Variants in ANKRD17 observed in about 807,000 individuals in gnomAD.
ANKRD17 encodes the protein ankyrin repeat domain 17.
Under a neutral mutation model 229.7 loss-of-function variants are expected in ANKRD17, and 19 were observed. The observed-to-expected ratio is 0.08, with a 90% CI of 0.06 to 0.12. The LOEUF is 0.12. Among genes scored for constraint, ANKRD17 ranks in the 10% least tolerant of loss-of-function variants. The probability of loss-of-function intolerance (pLI) is 1.00; values close to 1 mark genes in which losing one functional copy is unlikely to be tolerated. For missense variants in ANKRD17, 2,176 were observed against 3,176.8 expected, an observed-to-expected ratio of 0.68 and a Z score of 7.57; for synonymous variants, 1,112 against 1,146.1, an observed-to-expected ratio of 0.97 and a Z score of 0.60.
At chr4:73,235,736 C>T (rs1743441970) in intron 1 of ANKRD17, among the ~76,000 whole-genome samples, 5 of 152,092 alleles carry the variant, frequency 3.3e-5, no homozygotes. Context: ...TCTTTCCACC[C>T]TCAGAGGGAA....
chr4:73,194,637 C>T (rs1418157487), intron 1 of ANKRD17, among the ~76,000 whole-genome samples: 1 of 151,982 alleles, frequency 6.6e-6, no homozygotes, highest in Non-Finnish European at 1.5e-5. Flanking sequence ...TTACATTTAA[C>T]AGTATTGACT....
intron 24 of ANKRD17, among the ~76,000 whole-genome samples, chr4:73,110,390 T>G (rs1725165371): frequency 6.6e-6 from 1 of 152,228 alleles, no homozygotes; most frequent in Admixed American, 6.5e-5. Context: ...CTCACTACAT[T>G]GGCCAGGCCG....
At chr4:73,144,341 A>AT (rs1405136127) in intron 11 of ANKRD17, among the ~76,000 whole-genome samples, 3 of 152,214 alleles carry the variant, frequency 2.0e-5, no homozygotes, top group Non-Finnish European at 2.9e-5. Context: ...CCTGTATTTT[A>AT]TAAAAAAGGA....
At chr4:73,169,500 C>G (rs1316075250) in intron 2 of ANKRD17, among the ~76,000 whole-genome samples, 2 of 152,048 alleles carry the variant, frequency 1.3e-5, no homozygotes, top group Non-Finnish European at 2.9e-5. Context: ...CTGGCTTCAC[C>G]ACTGAGATAG....
intron 1 of ANKRD17, among the ~76,000 whole-genome samples, chr4:73,212,349 A>T (rs940290353): frequency 6.6e-6 from 1 of 152,328 alleles, no homozygotes; most frequent in East Asian, 1.9e-4. Flanking sequence ...TGTCAACATA[A>T]TTCAGCATTT....
chr4:73,189,428 C>T (rs561734845), intron 1 of ANKRD17, among the ~76,000 whole-genome samples: 7 of 35,700 alleles, frequency 2.0e-4, no homozygotes, highest in Admixed American at 1.6e-3. Context: ...TTTTTTGAAA[C>T]GGAGTCCCAC....
At chr4:73,107,597 A>C (rs1724799691) in intron 24 of ANKRD17, among the ~76,000 whole-genome samples, 1 of 152,232 alleles carries the variant, frequency 6.6e-6, no homozygotes, top group Non-Finnish European at 1.5e-5. Flanking sequence ...TAGGGTAATC[A>C]GTGTACCCCT....
At chr4:73,111,078 C>T (rs1045937829) in intron 24 of ANKRD17, among the ~76,000 whole-genome samples, 26 of 152,260 alleles carry the variant, frequency 1.7e-4, no homozygotes, top group African/African-American at 5.8e-4. Context: ...GTAGTGCCCC[C>T]TTATCCATGA....
intron 1 of ANKRD17, among the ~76,000 whole-genome samples, chr4:73,247,856 G>T (rs1323425236): frequency 6.6e-6 from 1 of 151,866 alleles, no homozygotes; most frequent in Non-Finnish European, 1.5e-5. Flanking sequence ...CAAGGAAAAA[G>T]AATGAAAAGA....
chr4:73,179,199 C>T (rs1167877207), intron 1 of ANKRD17, among the ~76,000 whole-genome samples: 1 of 151,486 alleles, frequency 6.6e-6, no homozygotes, highest in African/African-American at 2.4e-5. Context: ...TACAAAGTTC[C>T]ATTAAACTAA....
chr4:73,086,917 AAAATATATATATATATATATAT>A (rs1255849762), intron 29 of ANKRD17, among the ~76,000 whole-genome samples: 5 of 16,394 alleles, frequency 3.0e-4, no homozygotes, highest in African/African-American at 8.1e-4. Flanking sequence ...AAAAAAAAAA[AAAATATATATATATATATATAT>A]ATATATATAT....
chr4:73,118,626 G>A, intron 22 of ANKRD17, 62 bp downstream of exon 22: 1 of 1,576,062 alleles, frequency 6.3e-7, no homozygotes, highest in Non-Finnish European at 8.7e-7. Context: ...TGATCACTAA[G>A]CCATGTACTT....
intron 1 of ANKRD17, among the ~76,000 whole-genome samples, chr4:73,240,017 T>G (rs1743870325): frequency 6.6e-6 from 1 of 152,134 alleles, no homozygotes. Flanking sequence ...TTACTCCTAG[T>G]TCATTTGAAA....
chr4:73,207,928 C>T (rs2149138829), intron 1 of ANKRD17, among the ~76,000 whole-genome samples: 1 of 152,262 alleles, frequency 6.6e-6, no homozygotes, highest in Non-Finnish European at 1.5e-5. Flanking sequence ...GTGGCTCACG[C>T]CTGTAATCCC....
chr4:73,113,508 A>G (rs1465416670), intron 24 of ANKRD17, among the ~76,000 whole-genome samples: 8 of 152,234 alleles, frequency 5.3e-5, no homozygotes, highest in Admixed American at 2.0e-4. Context: ...GAGGATTAAG[A>G]GATCATTAGC....
chr4:73,125,034 G>A lies in ANKRD17; in HGVS notation c.3371C>T (p.Ala1124Val). ...CACAACACCAACATGACCAGCTGTG[G>A]CAGCCAAGATGAGTGGAGTAAAACC... ...KKGFTPLILA[A>V]TAGHVGVVEI... The change falls in exon 18 of 34, where the codon GCC becomes GTC. Residue 1124 changes from alanine to valine, a missense_variant. Physicochemically the swap from Ala to Val is moderately conservative, Grantham distance 64. Coordinates refer to ENST00000358602, the MANE Select transcript of ANKRD17 (RefSeq NM_032217.5). The A allele has an allele frequency of 6.2e-7, 1 of 1,614,132 alleles. No individual in the cohort carries two copies. The highest frequency in any genetic ancestry group is 8.5e-7 in the Non-Finnish European group (1 of 1,180,038).
intron 6 of ANKRD17, among the ~76,000 whole-genome samples, chr4:73,153,148 T>C (rs2148874963): frequency 1.3e-5 from 2 of 152,286 alleles, no homozygotes; most frequent in Admixed American, 1.3e-4. Context: ...TCACTGAGAA[T>C]GAGTGCCTCC....
intron 1 of ANKRD17, among the ~76,000 whole-genome samples, chr4:73,184,259 G>A (rs781368922): frequency 1.9e-4 from 29 of 152,004 alleles, no homozygotes; most frequent in African/African-American, 5.1e-4. Context: ...GGCCGGGTGC[G>A]GTGGCTCACG....
intron 2 of ANKRD17, among the ~76,000 whole-genome samples, chr4:73,162,528 G>T (rs896096085): frequency 6.6e-6 from 1 of 151,916 alleles, no homozygotes; most frequent in Non-Finnish European, 1.5e-5. Context: ...TGTTTACTGG[G>T]CTATCATCTG....
Sources: allele counts gnomAD v4.1 joint callset (sites outside exome capture counted in the v4.1 genomes callset), GRCh38; gene constraint gnomAD v4.1.1; transcripts MANE v1.5; gene names NCBI Gene and HGNC (gene_info 2026-07-23, HGNC 2026-07-21).